ZNF385D: variants seen among roughly 807,000 people sequenced by gnomAD.
ZNF385D encodes the protein zinc finger protein 385D, also known as zinc finger protein 659.
ZNF385D carries 15 observed loss-of-function variants against 35.8 expected under a neutral mutation model. The ratio of observed to expected loss-of-function variants is 0.42; its 90% CI spans 0.28 to 0.64. The LOEUF is 0.64. ZNF385D is among the 30% of genes least tolerant of loss of function. ZNF385D has a pLI of 0.23. For missense variants in ZNF385D, 474 were observed against 494.6 expected, an observed-to-expected ratio of 0.96 and a Z score of 0.39; for synonymous variants, 212 against 186.8, an observed-to-expected ratio of 1.13 and a Z score of -1.10.
intron 3 of ZNF385D, among the ~76,000 whole-genome samples, chr3:21,851,589 A>G (rs77235846): frequency 0.038 from 5,830 of 152,166 alleles, 387 homozygotes; most frequent in African/African-American, 0.13. Context: ...AGCAATAAAA[A>G]GCAAAAAAGA....
At chr3:22,140,134 A>T (rs1704413026) in intron 3 of ZNF385D, among the ~76,000 whole-genome samples, 2 of 152,230 alleles carry the variant, frequency 1.3e-5, no homozygotes, top group African/African-American at 4.8e-5. Context: ...TTCCTCACAG[A>T]ACTCTGTACA....
intron 3 of ZNF385D, among the ~76,000 whole-genome samples, chr3:21,879,083 T>C (rs1362185444): frequency 6.6e-6 from 1 of 152,032 alleles, no homozygotes; most frequent in Non-Finnish European, 1.5e-5. Context: ...CTCAAGTTTG[T>C]AAAACACATC....
intron 3 of ZNF385D, among the ~76,000 whole-genome samples, chr3:21,899,341 G>A (rs946807608): frequency 2.6e-5 from 4 of 152,190 alleles, no homozygotes; most frequent in South Asian, 4.2e-4. Context: ...TTCCTTTCAC[G>A]AGGAAGCAAT....
chr3:22,338,898 A>C (rs1695296878), intron 2 of ZNF385D, among the ~76,000 whole-genome samples: 1 of 151,730 alleles, frequency 6.6e-6, no homozygotes, highest in Admixed American at 6.6e-5. Flanking sequence ...ATGGAGTTTC[A>C]CCATGTTGGC....
intron 2 of ZNF385D, among the ~76,000 whole-genome samples, chr3:21,664,212 G>A (rs57343499): frequency 2.2e-3 from 330 of 151,388 alleles, no homozygotes; most frequent in African/African-American, 7.0e-3. Context: ...AGAAACACAC[G>A]ATGGTGAAAA....
At chr3:22,036,265 C>T (rs1316778168) in intron 3 of ZNF385D, among the ~76,000 whole-genome samples, 2 of 152,142 alleles carry the variant, frequency 1.3e-5, no homozygotes, top group Non-Finnish European at 2.9e-5. Flanking sequence ...AACATAATCA[C>T]TTTTCCCCAA....
intron 3 of ZNF385D, among the ~76,000 whole-genome samples, chr3:22,129,152 T>A (rs2125681771): frequency 6.6e-6 from 1 of 152,256 alleles, no homozygotes; most frequent in South Asian, 2.1e-4. Context: ...TGGGAGAGTC[T>A]CTTGTTTTCT....
At chr3:22,311,750 A>G (rs1387772957) in intron 2 of ZNF385D, among the ~76,000 whole-genome samples, 1 of 152,132 alleles carries the variant, frequency 6.6e-6, no homozygotes, top group African/African-American at 2.4e-5. Context: ...CTATTACGAC[A>G]CAAATCTAGT....
intron 3 of ZNF385D, among the ~76,000 whole-genome samples, chr3:21,787,417 C>A (rs2071735914): frequency 6.6e-6 from 1 of 152,116 alleles, no homozygotes; most frequent in South Asian, 2.1e-4. Flanking sequence ...TAGTTAAAGT[C>A]TAAAAACTAA....
chr3:21,995,423 C>T (rs1245682746), intron 3 of ZNF385D, among the ~76,000 whole-genome samples: 1 of 152,046 alleles, frequency 6.6e-6, no homozygotes, highest in Non-Finnish European at 1.5e-5. Flanking sequence ...CTAGTTTATC[C>T]CCAGGATCTC....
chr3:21,564,056 G>A (rs894452282), intron 3 of ZNF385D, among the ~76,000 whole-genome samples: 1 of 152,110 alleles, frequency 6.6e-6, no homozygotes, highest in African/African-American at 2.4e-5. Flanking sequence ...TTCTAGGACT[G>A]TAGGACCCCT....
chr3:22,008,250 T>G (rs1302231357), intron 3 of ZNF385D, among the ~76,000 whole-genome samples: 1 of 152,024 alleles, frequency 6.6e-6, no homozygotes, highest in Non-Finnish European at 1.5e-5. Context: ...CAAAGGGAGA[T>G]GACAAGGAAA....
chr3:22,272,781 G>A (rs1415993004), intron 2 of ZNF385D, among the ~76,000 whole-genome samples: 1 of 151,962 alleles, frequency 6.6e-6, no homozygotes, highest in Non-Finnish European at 1.5e-5. Context: ...AAGCCAAATT[G>A]TAGTATCTCA....
intron 3 of ZNF385D, among the ~76,000 whole-genome samples, chr3:22,032,937 G>A (rs549515919): frequency 3.3e-5 from 5 of 152,196 alleles, no homozygotes; most frequent in Admixed American, 1.3e-4. Context: ...AAGTCCCACA[G>A]CTAGCAAATA....
intron 2 of ZNF385D, among the ~76,000 whole-genome samples, chr3:22,371,292 A>G (rs1282758362): frequency 6.6e-6 from 1 of 152,182 alleles, no homozygotes; most frequent in Non-Finnish European, 1.5e-5. Flanking sequence ...CATTTCACAG[A>G]CCAGCTAGCA....
At chr3:22,317,445 T>C (rs1329506692) in intron 2 of ZNF385D, among the ~76,000 whole-genome samples, 1 of 151,960 alleles carries the variant, frequency 6.6e-6, no homozygotes, top group East Asian at 1.9e-4. Context: ...AGACAGAACT[T>C]CTACCTATTC....
At chr3:21,716,739 A>G (rs757594189) in intron 1 of ZNF385D, among the ~76,000 whole-genome samples, 3 of 152,122 alleles carry the variant, frequency 2.0e-5, no homozygotes, top group Non-Finnish European at 4.4e-5. Context: ...ATCTTGTTAT[A>G]TCTCCACTAA....
chr3:22,219,898 T>G (rs1014073087), intron 2 of ZNF385D, among the ~76,000 whole-genome samples: 2 of 152,116 alleles, frequency 1.3e-5, no homozygotes, highest in Admixed American at 6.6e-5. Context: ...GGACCTGTAT[T>G]CTATGCCTCT....
intron 3 of ZNF385D, among the ~76,000 whole-genome samples, chr3:22,051,097 G>T (rs1699321450): frequency 3.5e-5 from 1 of 28,222 alleles, no homozygotes; most frequent in Non-Finnish European, 6.7e-5. Flanking sequence ...TGACAGTGGG[G>T]TGTTAAAGTC....
Sources: allele counts gnomAD v4.1 joint callset (sites outside exome capture counted in the v4.1 genomes callset), GRCh38; gene constraint gnomAD v4.1.1; transcripts MANE v1.5; gene names NCBI Gene and HGNC (gene_info 2026-07-23, HGNC 2026-07-21).